Variants in PCDHA6 observed in about 807,000 individuals in gnomAD.
PCDHA6 encodes protocadherin alpha 6.
In PCDHA6, 55 loss-of-function variants were observed where a neutral mutation model predicts 60.3. The ratio of observed to expected loss-of-function variants is 0.91; its 90% CI spans 0.73 to 1.14. PCDHA6 has a LOEUF of 1.14. PCDHA6 is among the 50% of genes most tolerant of loss of function. The pLI, the probability that PCDHA6 is intolerant of heterozygous loss-of-function variation, is 0.00. For missense variants in PCDHA6, 1,327 were observed against 1,256.5 expected (o/e 1.06, Z -0.85); for synonymous variants, 652 against 557.9 (o/e 1.17, Z -2.38).
intron 1 of PCDHA6, chr5:140,857,757 G>C (rs782736508): frequency 6.3e-7 from 1 of 1,597,402 alleles, no homozygotes; most frequent in Non-Finnish European, 8.6e-7. Flanking sequence ...TCTCCCGCTG[G>C]CAGCGCGGGC....
rs570244920 is a variant in PCDHA6, at chr5:140,897,293, A to G, written c.2394+66808A>G. Reference sequence around the variant, plus strand: ...GGTGTGCTGCACCCATTAACTCGTCATTTAGCATTAGGTATATCTCCTAAA... The same window carrying G: ...GGTGTGCTGCACCCATTAACTCGTCGTTTAGCATTAGGTATATCTCCTAAA... On this transcript the variant is annotated intron_variant, in intron 1 of 3. Transcript: ENST00000529310. Among the ~76,000 whole-genome samples the G allele has an allele frequency of 1.2e-4, 18 of 149,820 alleles. No homozygotes were observed. In the South Asian group the frequency reaches 3.5e-3, roughly 29 times the overall value.
At chr5:140,940,717 G>T (rs1554213570) in intron 1 of PCDHA6, among the ~76,000 whole-genome samples, 1 of 152,130 alleles carries the variant, frequency 6.6e-6, no homozygotes, top group African/African-American at 2.4e-5. Flanking sequence ...GCTGTGTGCT[G>T]TTTCAGCTGG....
Position 140,829,141 on chromosome 5 carries a change from A to T in PCDHA6, c.1050A>T (p.Ile350=). The change falls in exon 1 of 4, where the codon ATA becomes ATT. Residue 350 remains isoleucine, a synonymous_variant. Coordinates refer to ENST00000529310, the MANE Select transcript of PCDHA6 (RefSeq NM_018909.4). ...ILDKNDNVPE[I]ALTSLSLPVR... Reference sequence around the variant, plus strand: ...ATAAAAATGATAACGTCCCTGAGATAGCACTGACTTCCTTATCCTTGCCTG... The same window carrying T: ...ATAAAAATGATAACGTCCCTGAGATTGCACTGACTTCCTTATCCTTGCCTG... 6.2e-7 allele frequency: 1 copy of T among 1,613,462 alleles called. No homozygotes were observed. Among genetic ancestry groups the T allele is most frequent in the Non-Finnish European group, 8.5e-7 (1 of 1,179,358 alleles).
intron 1 of PCDHA6, among the ~76,000 whole-genome samples, chr5:140,917,890 T>C (rs782473137): frequency 1.3e-5 from 2 of 152,098 alleles, no homozygotes; most frequent in Non-Finnish European, 2.9e-5. Context: ...TTTTTTTCCA[T>C]ATGAATGTTA....
chr5:140,918,175 CT>C (rs1429626043), intron 1 of PCDHA6, among the ~76,000 whole-genome samples: 2 of 152,076 alleles, frequency 1.3e-5, no homozygotes, highest in Non-Finnish European at 2.9e-5. Context: ...GCATTGTGTT[CT>C]TGATTTGGCC....
intron 1 of PCDHA6, among the ~76,000 whole-genome samples, chr5:140,926,202 G>T (rs1194252332): frequency 6.6e-6 from 1 of 151,658 alleles, no homozygotes; most frequent in East Asian, 1.9e-4. Flanking sequence ...TTCTTTCGGG[G>T]GGCTCCTGTT....
At chr5:140,841,793 T>C in intron 1 of PCDHA6, 1 of 1,613,848 alleles carries the variant, frequency 6.2e-7, no homozygotes, top group Non-Finnish European at 8.5e-7. Context: ...AGAGGGCGCG[T>C]CCGATGCAGA....
chr5:140,970,774 A>G (rs1554232727), intron 1 of PCDHA6, among the ~76,000 whole-genome samples: 2 of 152,218 alleles, frequency 1.3e-5, no homozygotes, highest in Admixed American at 1.3e-4. Context: ...TGCTGTACAT[A>G]CATATTGTAT....
chr5:140,919,666 A>G (rs1247598579), intron 1 of PCDHA6, among the ~76,000 whole-genome samples: 1 of 152,154 alleles, frequency 6.6e-6, no homozygotes. Context: ...TATATATTTT[A>G]GCTTATTGGT....
intron 1 of PCDHA6, chr5:140,856,664 C>T (rs782626089): frequency 6.3e-7 from 1 of 1,598,020 alleles, no homozygotes; most frequent in Non-Finnish European, 8.6e-7. Context: ...AGAAAATCCT[C>T]AGCTAAAGTT....
At chr5:140,993,450 CTTCT>C (rs1279887965) in intron 3 of PCDHA6, among the ~76,000 whole-genome samples, 2 of 137,074 alleles carry the variant, frequency 1.5e-5, no homozygotes, top group South Asian at 2.5e-4. Flanking sequence ...TCCTGTTCTC[CTTCT>C]TTCTTTCTCA....
At position 140,979,015 on chromosome 5, in the gene PCDHA6, T is replaced by C. The variant is rs782169362; in HGVS notation, c.2453+8T>C. ...GAGAGCAGGCATGCACAGGTATGTATTTCCCTCCTCATTCACTCAGAAGTA... is the reference window on the plus strand; with the variant it reads ...GAGAGCAGGCATGCACAGGTATGTACTTCCCTCCTCATTCACTCAGAAGTA... On this transcript the variant is annotated splice_region_variant and intron_variant, in intron 2 of 3. Coordinates refer to ENST00000529310, the MANE Select transcript of PCDHA6 (RefSeq NM_018909.4). 1 of 1,613,802 alleles carries C rather than the reference T, an allele frequency of 6.2e-7. No individual in the cohort carries two copies. Among genetic ancestry groups the C allele is most frequent in the Non-Finnish European group, 8.5e-7 (1 of 1,179,916 alleles).
rs782085408 is a variant in PCDHA6, at chr5:140,870,885, C to A, written c.2394+40400C>A. On this transcript the variant is annotated intron_variant, in intron 1 of 3. Coordinates refer to ENST00000529310, the MANE Select transcript of PCDHA6 (RefSeq NM_018909.4). ...CGGGCCACGTGGTGGCGAAGGTGCG[C>A]GCAGTGGATGCGGACTCAGGCTACA... 5 of 1,613,800 alleles carry A rather than the reference C, an allele frequency of 3.1e-6. No individual in the cohort carries two copies. The African/African-American group carries it at 5.3e-5, about 17-fold the overall frequency.
chr5:140,862,826 G>A lies in PCDHA6; in HGVS notation c.2394+32341G>A, dbSNP rs112986835. ...CTGCTGCAGTTCTAGGTGAGAGCGCGCGACGCGGGCATGCCGCCTCTGAGC... is the reference window on the plus strand; with the variant it reads ...CTGCTGCAGTTCTAGGTGAGAGCGCACGACGCGGGCATGCCGCCTCTGAGC... On this transcript the variant is annotated intron_variant, in intron 1 of 3. Coordinates refer to ENST00000529310, the MANE Select transcript of PCDHA6 (RefSeq NM_018909.4). The A allele has an allele frequency of 1.9e-3, 1,106 of 575,060 alleles. 11 individuals carry two copies. Among genetic ancestry groups the A allele is most frequent in the African/African-American group, 0.019 (990 of 53,212 alleles). The allele number at this position is 575,060 out of a possible 1,614,324, so 35.6% of individuals were successfully genotyped here.
intron 1 of PCDHA6, chr5:140,834,401 A>T (rs2150216637): frequency 1.9e-6 from 3 of 1,606,010 alleles, no homozygotes; most frequent in South Asian, 1.1e-5. Context: ...GCCCGAATGG[A>T]TACGACCCAG....
intron 1 of PCDHA6, chr5:140,926,708 C>G (rs1554203635): frequency 2.2e-6 from 2 of 896,142 alleles, no homozygotes; most frequent in South Asian, 5.3e-5. Context: ...CCCAGCTGGC[C>G]AGCCCCGGCA....
chr5:140,937,717 C>G (rs868958316), intron 1 of PCDHA6, among the ~76,000 whole-genome samples: 34 of 151,858 alleles, frequency 2.2e-4, no homozygotes, highest in African/African-American at 8.2e-4. Flanking sequence ...TCAAGACCAT[C>G]CTGGCTAACA....
chr5:140,868,478 A>AT (rs1444050987), intron 1 of PCDHA6: 1 of 152,364 alleles, frequency 6.6e-6, no homozygotes, highest in Admixed American at 6.5e-5. Context: ...TAAAACTTCA[A>AT]TTTTTTCTTT....
chr5:140,962,637 T>A (rs556134281), intron 1 of PCDHA6, among the ~76,000 whole-genome samples: 3 of 152,338 alleles, frequency 2.0e-5, no homozygotes, highest in Admixed American at 6.5e-5. Flanking sequence ...AATTTAGCCA[T>A]CAAGTTATGT....
Sources: allele counts gnomAD v4.1 joint callset (sites outside exome capture counted in the v4.1 genomes callset), GRCh38; gene constraint gnomAD v4.1.1; transcripts MANE v1.5; gene names NCBI Gene and HGNC (gene_info 2026-07-23, HGNC 2026-07-21).